The following ENO4 variants were observed in gnomAD, a reference collection of about 807,000 sequenced individuals.
ENO4 encodes the protein 2-phospho-D-glycerate hydro-lyase.
ENO4 carries 53 observed loss-of-function variants against 63.2 expected under a neutral mutation model. The ratio of observed to expected loss-of-function variants is 0.84; its 90% CI spans 0.67 to 1.05. The LOEUF is 1.05. Ranked by LOEUF, ENO4 falls within the 50% of genes least tolerant of loss-of-function variation. ENO4 has a pLI of 0.00. For missense variants in ENO4, 719 were observed against 772.0 expected, an observed-to-expected ratio of 0.93 and a Z score of 0.81; for synonymous variants, 266 against 283.8, an observed-to-expected ratio of 0.94 and a Z score of 0.63.
At position 116,875,934 on chromosome 10, in the gene ENO4, C is replaced by T. The variant is rs905876825; in HGVS notation, c.1342-131C>T. The T allele has an allele frequency of 6.6e-6, 4 of 603,466 alleles. No homozygotes were observed. In the African/African-American group the frequency reaches 7.7e-5, roughly 12 times the overall value. 37.4% of individuals were successfully genotyped at this position (603,466 alleles called of 1,614,324 possible). Reference sequence around the variant, plus strand: ...GCTGTGGTACAGGGTCATTCAGGAACAGAAGTAAAAGAAAATTGTTTTGTG... The same window carrying T: ...GCTGTGGTACAGGGTCATTCAGGAATAGAAGTAAAAGAAAATTGTTTTGTG... On this transcript the variant is annotated intron_variant, in intron 10 of 13. Coordinates refer to ENST00000341276, the MANE Select transcript of ENO4 (RefSeq NM_001242699.2).
Position 116,854,970 on chromosome 10 carries a change from AAAG to A in ENO4, c.166-650_166-648del, listed in dbSNP as rs1170902786. Among the ~76,000 whole-genome samples, 279 of 131,632 alleles carry A rather than the reference AAAG, an allele frequency of 2.1e-3. 2 individuals carry two copies. The highest frequency in any genetic ancestry group is 3.2e-3 in the Non-Finnish European group (191 of 60,062). The allele number at this position is 131,632 out of a possible 152,430, so 86.4% of individuals were successfully genotyped here. ...AAAAAAAAAAAAAAAAAAAAAAAAGAAAGAAAGAAAAAGAAAAGAGGGATAGCT... is the reference window on the plus strand; with the variant it reads ...AAAAAAAAAAAAAAAAAAAAAAAAGAAAAGAAAAAGAAAAGAGGGATAGCT... On this transcript the variant is annotated intron_variant, in intron 1 of 13. Transcript: ENST00000341276.
rs1846861237 is a variant in ENO4 at position 116,877,140 on chromosome 10, A to G, written c.1537+880A>G. The stretch of plus-strand genomic sequence containing the variant: ...AAAATATCTCACCATTCACAAAGCC[A>G]AGGCACCAAGCACAGCCAAGGAACA... On this transcript the variant is annotated intron_variant, in intron 11 of 13. Transcript: ENST00000341276. Among the ~76,000 whole-genome samples, 3 of 152,046 alleles carry G rather than the reference A, an allele frequency of 2.0e-5. No individual in the cohort carries two copies. In the South Asian group the frequency reaches 6.2e-4, roughly 32 times the overall value.
chr10:116,910,386 C>G (rs2133344344), intron 10 of ENO4, among the ~76,000 whole-genome samples: 1 of 152,314 alleles, frequency 6.6e-6, no homozygotes, highest in Admixed American at 6.5e-5. Context: ...AAAAAGATGT[C>G]TTAAAATTTT....
At position 116,901,535 on chromosome 10, in the gene ENO4, C is replaced by A. The variant is rs555669777; in HGVS notation, c.1195-9964C>A. On this transcript the variant is annotated intron_variant, in intron 10 of 10. Coordinates refer to the ENO4 transcript ENST00000369207. Reference sequence around the variant, plus strand: ...TGTGTAGAAGAACCTGATTACCAAACCAGTTTAGGGGAAGTAATTCTCTTT... The same window carrying A: ...TGTGTAGAAGAACCTGATTACCAAAACAGTTTAGGGGAAGTAATTCTCTTT... The A allele has an allele frequency of 1.1e-5, 11 of 985,268 alleles. No individual in the cohort carries two copies. The South Asian group carries it at 5.2e-4, about 46-fold the overall frequency. The allele number at this position is 985,268 out of a possible 1,614,324, so 61.0% of individuals were successfully genotyped here.
At chr10:116,906,579 T>G in intron 10 of ENO4, 2 of 1,532,348 alleles carry the variant, frequency 1.3e-6, no homozygotes, top group Non-Finnish European at 1.8e-6. Flanking sequence ...TAGAAGAAGA[T>G]GTTTCAGAGA....
intron 13 of ENO4, among the ~76,000 whole-genome samples, chr10:116,881,175 C>G (rs1460492575): frequency 3.3e-5 from 5 of 152,246 alleles, no homozygotes; most frequent in Non-Finnish European, 7.3e-5. Flanking sequence ...TGGGAGCAGT[C>G]AGCTGGCAGT....
downstream of ENO4, chr10:116,885,130 A>C (rs921707221): frequency 5.9e-5 from 9 of 152,590 alleles, no homozygotes; most frequent in African/African-American, 2.2e-4. Context: ...AAAATACAAT[A>C]CAATACAACT....
chr10:116,898,340 T>A (rs1011197426), intron 10 of ENO4, among the ~76,000 whole-genome samples: 27 of 151,508 alleles, frequency 1.8e-4, no homozygotes, highest in African/African-American at 6.1e-4. Context: ...AAAAAAAAAA[T>A]TCTATAATTT....
chr10:116,865,505 C>A (rs1054521890), intron 7 of ENO4, among the ~76,000 whole-genome samples: 1 of 152,126 alleles, frequency 6.6e-6, no homozygotes, highest in Non-Finnish European at 1.5e-5. Flanking sequence ...ATACGGTAGA[C>A]CTATTTTCCT....
intron 10 of ENO4, among the ~76,000 whole-genome samples, chr10:116,900,010 T>C (rs1564865425): frequency 6.6e-6 from 1 of 152,232 alleles, no homozygotes; most frequent in Non-Finnish European, 1.5e-5. Flanking sequence ...ATTAAATGAA[T>C]GAAGTGTGCC....
At position 116,881,243 on chromosome 10, in the gene ENO4, C is replaced by T. The variant is rs551309175; in HGVS notation, c.1724-272C>T. On this transcript the variant is annotated intron_variant, in intron 13 of 13. Coordinates refer to ENST00000341276, the MANE Select transcript of ENO4 (RefSeq NM_001242699.2). ...CCAGTTTATCACCTTCCTCTTAACC[C>T]TTTCCGCTAAGCCTCTGCCCAAAGT... Among the ~76,000 whole-genome samples, 6 of 152,314 alleles carry T rather than the reference C, an allele frequency of 3.9e-5. No individual in the cohort carries two copies. The South Asian group carries it at 8.3e-4, about 21-fold the overall frequency.
rs986244075 is a variant in ENO4 at position 116,855,696 on chromosome 10, T to C, written c.239T>C (p.Leu80Pro). ...GTGGGGAAAGACGTACTAGATGGACTGGGGCTTCCAACCCTGCAAGTGGAC... is the reference window on the plus strand; with the variant it reads ...GTGGGGAAAGACGTACTAGATGGACCGGGGCTTCCAACCCTGCAAGTGGAC... ...KIVGKDVLDG[L>P]GLPTLQVDIF... The change falls in exon 2 of 14, where the codon CTG (leucine) becomes CCG (proline). Residue 80 changes from leucine (L) to proline (P), a missense_variant. By Grantham distance (98) the Leu-to-Pro change is moderately conservative (BLOSUM62 -3). This residue lies in a region of ENO4 where 544 missense variants were observed against 583.6 expected (regional missense o/e 0.93). Transcript: ENST00000341276. 6.5e-7 allele frequency: 1 copy of C among 1,536,582 alleles called. No individual in the cohort carries two copies. The highest frequency in any genetic ancestry group is 8.7e-7 in the Non-Finnish European group (1 of 1,146,998).
At chr10:116,854,612 C>A (rs147130378) in intron 1 of ENO4, among the ~76,000 whole-genome samples, 1 of 149,260 alleles carries the variant, frequency 6.7e-6, no homozygotes, top group Non-Finnish European at 1.5e-5. Flanking sequence ...AATTTGAATG[C>A]GTCATGGTGT....
intron 10 of ENO4, among the ~76,000 whole-genome samples, chr10:116,890,009 G>A (rs538541177): frequency 3.9e-5 from 6 of 152,246 alleles, no homozygotes; most frequent in East Asian, 1.9e-4. Flanking sequence ...CCACAGAGCC[G>A]CATCAGTGAT....
chr10:116,897,160 G>A (rs1829138877), intron 10 of ENO4, among the ~76,000 whole-genome samples: 1 of 152,078 alleles, frequency 6.6e-6, no homozygotes, highest in Admixed American at 6.6e-5. Context: ...ATGCATTTGG[G>A]GCAACAGTGA....
At chr10:116,911,917 CA>C, downstream of ENO4, 1 of 1,058,340 alleles carries the variant, frequency 9.4e-7, no homozygotes, top group Non-Finnish European at 1.5e-6. Flanking sequence ...TTTTACATGG[CA>C]AACTATTAGT....
chr10:116,879,992 C>G lies in ENO4; in HGVS notation c.1723+6C>G. The G allele has an allele frequency of 6.5e-7, 1 of 1,527,216 alleles. No homozygotes were observed. 94.6% of individuals were successfully genotyped at this position (1,527,216 alleles called of 1,614,324 possible). On this transcript the variant is annotated splice_donor_region_variant and intron_variant, in intron 13 of 13. Transcript: ENST00000341276. ...TGTCCAGAATGGAACACTGGGTATG[C>G]GCTGCTTTCTTGCTTTGTTTCCACT...
intron 10 of ENO4, chr10:116,901,771 G>T (rs957321262): frequency 6.3e-7 from 1 of 1,593,654 alleles, no homozygotes; most frequent in East Asian, 2.3e-5. Context: ...TTACTGAAAC[G>T]TAACCTTGGA....
chr10:116,907,685 C>CTTG (rs1285712893), intron 10 of ENO4, among the ~76,000 whole-genome samples: 1 of 152,164 alleles, frequency 6.6e-6, no homozygotes, highest in African/African-American at 2.4e-5. Flanking sequence ...AACGGTCCTT[C>CTTG]TCAACTGTGC....
Sources: allele counts gnomAD v4.1 joint callset (sites outside exome capture counted in the v4.1 genomes callset), GRCh38; gene constraint gnomAD v4.1.1; regional missense constraint gnomAD v4.1.1; transcripts MANE v1.5; gene names NCBI Gene and HGNC (gene_info 2026-07-23, HGNC 2026-07-21).